The following JAKMIP1 variants were observed in gnomAD, a reference collection of about 807,000 sequenced individuals.
JAKMIP1 encodes the protein janus kinase and microtubule-interacting protein 1.
A neutral mutation model predicts 113.0 loss-of-function variants in JAKMIP1; 33 were observed. That is an observed-to-expected ratio of 0.29 (90% CI 0.22 to 0.39). JAKMIP1 has a LOEUF of 0.39. Among genes scored for constraint, JAKMIP1 ranks in the 10% least tolerant of loss-of-function variants. JAKMIP1 has a pLI of 1.00. For synonymous variants in JAKMIP1, 480 were observed against 459.9 expected (o/e 1.04, Z -0.56); for missense variants, 813 against 1,080.5 (o/e 0.75, Z 3.47).
Position 6,116,193 on chromosome 4 carries a change from C to T in JAKMIP1, c.-147-3196G>A, listed in dbSNP as rs1461165752. On this transcript the variant is annotated intron_variant, in intron 1 of 20. Coordinates refer to ENST00000409021, the MANE Select transcript of JAKMIP1 (RefSeq NM_001099433.2). The surrounding 1 kb of genome is among the most constrained non-coding windows in gnomAD (Gnocchi z 5.1). ...AGCCGGCCTCTGTGCCATGGACACACTGTTGATAGTCCCGACGCTCACAGC... is the reference window on the plus strand; with the variant it reads ...AGCCGGCCTCTGTGCCATGGACACATTGTTGATAGTCCCGACGCTCACAGC... Among the ~76,000 whole-genome samples the T allele has an allele frequency of 6.6e-6, 1 of 152,092 alleles. No homozygotes were observed. Among genetic ancestry groups the T allele is most frequent in the Non-Finnish European group, 1.5e-5 (1 of 68,014 alleles).
In JAKMIP1 at chr4:6,078,930, C is replaced by T. The variant is rs2108816854; in HGVS notation, c.1302+9G>A. The T allele has an allele frequency of 6.2e-7, 1 of 1,613,994 alleles. No homozygotes were observed. The highest frequency in any genetic ancestry group is 2.2e-5 in the East Asian group (1 of 44,872). The stretch of plus-strand genomic sequence containing the variant: ...GCAAGGTAGGGCAGGTGCACCATCG[C>T]AGGCTCACCTTGGGCGGTTTCAGAC... On this transcript the variant is annotated intron_variant, in intron 8 of 20. Coordinates refer to ENST00000409021, the MANE Select transcript of JAKMIP1 (RefSeq NM_001099433.2).
intron 16 of JAKMIP1, among the ~76,000 whole-genome samples, chr4:6,046,130 C>T (rs1714958118): frequency 6.6e-6 from 1 of 152,158 alleles, no homozygotes; most frequent in African/African-American, 2.4e-5. Flanking sequence ...CTGCAATTCT[C>T]ACGTCCCAGG....
rs1159066581 is a variant in JAKMIP1, at chr4:6,108,615, C to T, written c.130-2648G>A. Among the ~76,000 whole-genome samples, 1 of 152,190 alleles carries T rather than the reference C, an allele frequency of 6.6e-6. No homozygotes were observed. The highest frequency in any genetic ancestry group is 1.5e-5 in the Non-Finnish European group (1 of 68,018). On this transcript the variant is annotated intron_variant, in intron 2 of 20. Coordinates refer to ENST00000409021, the MANE Select transcript of JAKMIP1 (RefSeq NM_001099433.2). The surrounding 1 kb of genome is among the most constrained non-coding windows in gnomAD (Gnocchi z 5.6). ...AGGCCTGGCCACTTCCCCACTTCCCCCTTGCCCAAGCCACCTGCAGCAGCC... is the reference window on the plus strand; with the variant it reads ...AGGCCTGGCCACTTCCCCACTTCCCTCTTGCCCAAGCCACCTGCAGCAGCC...
At chr4:6,030,734 G>A (rs986931660) in intron 19 of JAKMIP1, among the ~76,000 whole-genome samples, 7 of 152,208 alleles carry the variant, frequency 4.6e-5, no homozygotes, top group Non-Finnish European at 8.8e-5. Context: ...TAAACATGGG[G>A]TCACCATAGG....
intron 1 of JAKMIP1, among the ~76,000 whole-genome samples, chr4:6,126,657 C>T (rs1026935552): frequency 3.3e-5 from 5 of 149,822 alleles, no homozygotes; most frequent in Admixed American, 1.3e-4. Flanking sequence ...AAACACACCA[C>T]ACATGCCCCC....
rs1053032602 is a variant in JAKMIP1 at position 6,168,671 on chromosome 4, T to A, written c.-148+31582A>T. 1.3e-5 allele frequency among the ~76,000 whole-genome samples: 2 copies of A among 151,994 alleles called. No individual in the cohort carries two copies. The highest frequency in any genetic ancestry group is 2.9e-5 in the Non-Finnish European group (2 of 68,016). Reference sequence around the variant, plus strand: ...TTTGGGAGGGCGAGGCGGGCAGATTTTTTGAGTCCAAGAGTCCAAGACCAG... The same window carrying A: ...TTTGGGAGGGCGAGGCGGGCAGATTATTTGAGTCCAAGAGTCCAAGACCAG... On this transcript the variant is annotated intron_variant, in intron 1 of 20. Coordinates refer to ENST00000409021, the MANE Select transcript of JAKMIP1 (RefSeq NM_001099433.2). The surrounding 1 kb of genome is among the most constrained non-coding windows in gnomAD (Gnocchi z 4.6).
At chr4:6,092,285 A>G (rs1336324284) in intron 3 of JAKMIP1, among the ~76,000 whole-genome samples, 1 of 152,158 alleles carries the variant, frequency 6.6e-6, no homozygotes, top group East Asian at 1.9e-4. Flanking sequence ...CAGTGTGGGT[A>G]CAGGCACTTC....
chr4:6,123,767 G>A (rs1717022002), intron 1 of JAKMIP1, among the ~76,000 whole-genome samples: 1 of 152,200 alleles, frequency 6.6e-6, no homozygotes, highest in Non-Finnish European at 1.5e-5. Context: ...ACTGCAGTGA[G>A]TTATGGTGGC....
chr4:6,035,720 G>A (rs1486452841), intron 19 of JAKMIP1, among the ~76,000 whole-genome samples, 184 bp downstream of exon 19: 1 of 152,340 alleles, frequency 6.6e-6, no homozygotes, highest in East Asian at 1.9e-4. Flanking sequence ...AGTGCCCCAC[G>A]TCTTGCCCCG....
rs1364899785 is a variant in JAKMIP1 at position 6,156,040 on chromosome 4, A to G, written c.-147-43043T>C. Among the ~76,000 whole-genome samples, 1 of 152,260 alleles carries G rather than the reference A, an allele frequency of 6.6e-6. No homozygotes were observed. Among genetic ancestry groups the G allele is most frequent in the African/African-American group, 2.4e-5 (1 of 41,480 alleles). On this transcript the variant is annotated intron_variant, in intron 1 of 20. Transcript: ENST00000409021. The surrounding 1 kb of genome is among the most constrained non-coding windows in gnomAD (Gnocchi z 5.0). ...AGAACAGTGCCCAGCACAATAATGGATCTTCAAGAAATATTTGGTGATCCA... is the reference window on the plus strand; with the variant it reads ...AGAACAGTGCCCAGCACAATAATGGGTCTTCAAGAAATATTTGGTGATCCA...
chr4:6,173,163 G>T (rs946325379), intron 1 of JAKMIP1, among the ~76,000 whole-genome samples: 1 of 152,200 alleles, frequency 6.6e-6, no homozygotes, highest in African/African-American at 2.4e-5. Context: ...TACCATACAG[G>T]GGGTAGAATC....
chr4:6,172,233 G>A (rs1257329005), intron 1 of JAKMIP1, among the ~76,000 whole-genome samples: 3 of 152,280 alleles, frequency 2.0e-5, no homozygotes, highest in East Asian at 1.9e-4. Flanking sequence ...CATGCTGCCC[G>A]AGCACTGGCC....
In JAKMIP1 at chr4:6,031,862, C is replaced by A. The variant is rs773414139; in HGVS notation, c.2380-2081G>T. ...TGCCCACATCTAAGGATTTAACAAG[C>A]AAATTTGTACCAAGTGTTTAGAGCA... On this transcript the variant is annotated intron_variant, in intron 19 of 20. Coordinates refer to ENST00000409021, the MANE Select transcript of JAKMIP1 (RefSeq NM_001099433.2). The surrounding 1 kb of genome is among the most constrained non-coding windows in gnomAD (Gnocchi z 4.4). Among the ~76,000 whole-genome samples the A allele has an allele frequency of 6.6e-6, 1 of 152,204 alleles. No homozygotes were observed. Among genetic ancestry groups the A allele is most frequent in the Non-Finnish European group, 1.5e-5 (1 of 68,044 alleles).
In JAKMIP1 at chr4:6,044,178, C is replaced by T. The variant is rs1436305205; in HGVS notation, c.2029-1951G>A. On this transcript the variant is annotated intron_variant, in intron 16 of 20. Transcript: ENST00000409021. The surrounding 1 kb of genome is among the most constrained non-coding windows in gnomAD (Gnocchi z 4.4). ...ATCTTGTGAATGCCGGGTCGTAGCA[C>T]TCACCTGACAGCGCTGTTGTCTGTT... 7.7e-6 allele frequency among the ~76,000 whole-genome samples: 1 copy of T among 129,698 alleles called. No homozygotes were observed. The highest frequency in any genetic ancestry group is 1.5e-5 in the Non-Finnish European group (1 of 65,764). 85.1% of individuals were successfully genotyped at this position (129,698 alleles called of 152,430 possible).
intron 11 of JAKMIP1, 52 bp downstream of exon 11, chr4:6,060,372 C>A: frequency 7.1e-7 from 1 of 1,406,186 alleles, no homozygotes; most frequent in Non-Finnish European, 1.0e-6. Context: ...AGGGATACCA[C>A]CAAGGGGACA....
Position 6,078,313 on chromosome 4 carries a change from T to TA in JAKMIP1, c.1302+625dup, listed in dbSNP as rs1270876048. On this transcript the variant is annotated intron_variant, in intron 8 of 20. Transcript: ENST00000409021. ...CTGGACAACAGAGTGAGACTCTGTCTAAAAAAAAAAAACAAAAAAAAAATG... is the reference window on the plus strand; with the variant it reads ...CTGGACAACAGAGTGAGACTCTGTCTAAAAAAAAAAAAACAAAAAAAAAATG... 4.0e-3 allele frequency among the ~76,000 whole-genome samples: 369 copies of TA among 93,342 alleles called. 2 individuals carry two copies. Among genetic ancestry groups the TA allele is most frequent in the African/African-American group, 7.7e-3 (167 of 21,574 alleles). 61.2% of individuals were successfully genotyped at this position (93,342 alleles called of 152,430 possible).
intron 3 of JAKMIP1, among the ~76,000 whole-genome samples, chr4:6,092,178 C>T (rs1722144758): frequency 6.6e-6 from 1 of 152,212 alleles, no homozygotes; most frequent in Admixed American, 6.5e-5. Flanking sequence ...TCCCTCCCAG[C>T]CGTCCTCACC....
chr4:6,041,352 C>T (rs1304730736), intron 17 of JAKMIP1, among the ~76,000 whole-genome samples: 1 of 152,208 alleles, frequency 6.6e-6, no homozygotes, highest in African/African-American at 2.4e-5. Flanking sequence ...TCAGTGATGG[C>T]AGAGGTGGGA....
At position 6,097,386 on chromosome 4, in the gene JAKMIP1, C is replaced by G. The variant is rs1029805619; in HGVS notation, c.624+8087G>C. On this transcript the variant is annotated intron_variant, in intron 3 of 20. Coordinates refer to ENST00000409021, the MANE Select transcript of JAKMIP1 (RefSeq NM_001099433.2). The surrounding 1 kb of genome is among the most constrained non-coding windows in gnomAD (Gnocchi z 4.3). ...GATACAGTGGAGAAGATAATGTGCT[C>G]ATGGTAACATGTGAGCTTGCTTGCA... Among the ~76,000 whole-genome samples the G allele has an allele frequency of 1.3e-5, 2 of 152,322 alleles. No homozygotes were observed. Among genetic ancestry groups the G allele is most frequent in the Admixed American group, 1.3e-4 (2 of 15,300 alleles).
Sources: allele counts gnomAD v4.1 joint callset (sites outside exome capture counted in the v4.1 genomes callset), GRCh38; gene constraint gnomAD v4.1.1; non-coding constraint Gnocchi (gnomAD v3.1); transcripts MANE v1.5; gene names NCBI Gene and HGNC (gene_info 2026-07-23, HGNC 2026-07-21).